CLINT1: variants seen among roughly 807,000 people sequenced by gnomAD.
The protein encoded by CLINT1 is clathrin interacting protein localized in the trans-Golgi region.
CLINT1 carries 15 observed loss-of-function variants against 70.4 expected under a neutral mutation model. That is an observed-to-expected ratio of 0.21 (90% CI 0.14 to 0.33). The LOEUF is 0.33. CLINT1 is among the 10% of genes least tolerant of loss of function. The pLI is 1.00. For missense variants in CLINT1, 615 were observed against 778.1 expected (o/e 0.79, Z 2.49); for synonymous variants, 227 against 254.7 (o/e 0.89, Z 1.04).
intron 7 of CLINT1, among the ~76,000 whole-genome samples, chr5:157,804,428 T>C (rs1390298164): frequency 6.6e-6 from 1 of 152,236 alleles, no homozygotes; most frequent in Non-Finnish European, 1.5e-5. Flanking sequence ...ATATACATGC[T>C]AAATTAGAAC....
chr5:157,791,002 A>G (rs3777052), intron 10 of CLINT1, among the ~76,000 whole-genome samples: 20,384 of 152,232 alleles, frequency 0.13, 1,800 homozygotes, highest in African/African-American at 0.25. Flanking sequence ...TAGGGACATG[A>G]CCAGAAATTT....
intron 11 of CLINT1, 135 bp from the exon 12 acceptor site, chr5:157,788,127 A>G: frequency 2.7e-6 from 2 of 747,356 alleles, no homozygotes; most frequent in South Asian, 3.0e-5. Flanking sequence ...TGATTTTATT[A>G]GAAATCAATT....
chr5:157,843,433 G>A (rs946077991), intron 1 of CLINT1, among the ~76,000 whole-genome samples: 1 of 152,088 alleles, frequency 6.6e-6, no homozygotes, highest in Non-Finnish European at 1.5e-5. Context: ...TAAGAATAAA[G>A]TTTGCATAAC....
chr5:157,789,285 T>C, intron 11 of CLINT1, 78 bp downstream of exon 11: 1 of 1,197,320 alleles, frequency 8.4e-7, no homozygotes, highest in Non-Finnish European at 1.2e-6. Context: ...TATTTTTATT[T>C]ATAGTTTGAA....
chr5:157,830,388 T>C (rs1425181614), intron 1 of CLINT1, among the ~76,000 whole-genome samples: 4 of 152,236 alleles, frequency 2.6e-5, no homozygotes, highest in Admixed American at 6.5e-5. Flanking sequence ...TTTAATATTC[T>C]TGTTAGGTAG....
intron 1 of CLINT1, among the ~76,000 whole-genome samples, chr5:157,829,533 T>G (rs933052492): frequency 6.6e-6 from 1 of 151,876 alleles, no homozygotes; most frequent in Non-Finnish European, 1.5e-5. Flanking sequence ...ATAATGCACT[T>G]TTTTTTGAGA....
At chr5:157,827,735 C>A (rs879384677) in intron 1 of CLINT1, among the ~76,000 whole-genome samples, 17 of 152,182 alleles carry the variant, frequency 1.1e-4, no homozygotes, top group Non-Finnish European at 2.4e-4. Context: ...TCAGTGGTTA[C>A]CAATACCAAA....
At chr5:157,858,663 G>C (rs1435390665) in intron 1 of CLINT1, among the ~76,000 whole-genome samples, 1 of 152,216 alleles carries the variant, frequency 6.6e-6, no homozygotes, top group Non-Finnish European at 1.5e-5. Flanking sequence ...CGGCACCCAG[G>C]GGTTGGAATA....
At chr5:157,855,157 C>CGGG (rs11454770) in intron 1 of CLINT1, among the ~76,000 whole-genome samples, 43 of 8,136 alleles carry the variant, frequency 5.3e-3, no homozygotes, top group East Asian at 0.015. Context: ...AAAAAAAAGG[C>CGGG]GGGGGGGGGG....
chr5:157,809,898 A>G (rs1554099405), intron 5 of CLINT1, 93 bp from the exon 6 acceptor site: 11 of 1,264,498 alleles, frequency 8.7e-6, no homozygotes, highest in Non-Finnish European at 1.1e-5. Context: ...TCCTCATAAT[A>G]AAATCATTTT....
intron 1 of CLINT1, among the ~76,000 whole-genome samples, chr5:157,855,588 T>C (rs965387238): frequency 1.3e-5 from 2 of 152,158 alleles, no homozygotes; most frequent in African/African-American, 4.8e-5. Flanking sequence ...CAAATCCCTC[T>C]ACTGCCACCA....
At chr5:157,840,864 C>A (rs979283648) in intron 1 of CLINT1, among the ~76,000 whole-genome samples, 7 of 151,714 alleles carry the variant, frequency 4.6e-5, no homozygotes, top group African/African-American at 1.5e-4. Flanking sequence ...AGCAACACAG[C>A]GAGACCCCAT....
chr5:157,823,992 C>T (rs1051192284), intron 1 of CLINT1, among the ~76,000 whole-genome samples: 2 of 152,094 alleles, frequency 1.3e-5, no homozygotes, highest in African/African-American at 4.8e-5. Flanking sequence ...CAGTTTCATC[C>T]GGAAACTATC....
At chr5:157,842,425 C>A (rs1213862725) in intron 1 of CLINT1, among the ~76,000 whole-genome samples, 2 of 152,130 alleles carry the variant, frequency 1.3e-5, no homozygotes, top group Non-Finnish European at 2.9e-5. Flanking sequence ...TGCACTCTAG[C>A]CAGGGTGATA....
At chr5:157,789,764 C>G in intron 10 of CLINT1, 1 of 572,546 alleles carries the variant, frequency 1.7e-6, no homozygotes. Context: ...TGGATAAAAC[C>G]AACAACTTAC....
At chr5:157,851,117 A>T (rs1235188090) in intron 1 of CLINT1, among the ~76,000 whole-genome samples, 1 of 151,368 alleles carries the variant, frequency 6.6e-6, no homozygotes, top group East Asian at 1.9e-4. Context: ...ATGATTTACT[A>T]AAAATGCATG....
chr5:157,853,777 C>CAAAAAAAAAAAAAA (rs11316474), intron 1 of CLINT1, among the ~76,000 whole-genome samples: 2 of 48,020 alleles, frequency 4.2e-5, no homozygotes, highest in Non-Finnish European at 7.7e-5. Context: ...GACACCATCT[C>CAAAAAAAAAAAAAA]AAAAAAAAAA....
chr5:157,848,121 T>C (rs995001694), intron 1 of CLINT1, among the ~76,000 whole-genome samples: 2 of 152,082 alleles, frequency 1.3e-5, no homozygotes, highest in Non-Finnish European at 2.9e-5. Context: ...AAATTTTTTT[T>C]TGAGATGGAG....
chr5:157,789,919 G>C (rs1336665076), intron 10 of CLINT1: 2 of 223,772 alleles, frequency 8.9e-6, no homozygotes, highest in Non-Finnish European at 1.8e-5. Flanking sequence ...AGAATTCAGA[G>C]GCCAGGCGCA....
Sources: allele counts gnomAD v4.1 joint callset (sites outside exome capture counted in the v4.1 genomes callset), GRCh38; gene constraint gnomAD v4.1.1; transcripts MANE v1.5; gene names NCBI Gene and HGNC (gene_info 2026-07-23, HGNC 2026-07-21).